TBC1D32: variants seen among roughly 807,000 people sequenced by gnomAD.
The protein encoded by TBC1D32 is protein broad-minded.
In TBC1D32, 151 loss-of-function variants were observed where a neutral mutation model predicts 170.3. The observed-to-expected ratio is 0.89, with a 90% CI of 0.78 to 1.01. TBC1D32 has a LOEUF of 1.01. Among genes scored for constraint, TBC1D32 ranks in the 50% least tolerant of loss-of-function variants. TBC1D32 has a pLI of 0.00. For missense variants in TBC1D32, 1,464 were observed against 1,457.1 expected (o/e 1.00, Z -0.08); for synonymous variants, 498 against 488.0 (o/e 1.02, Z -0.27).
At chr6:121,219,979 T>C (rs1285560394) in intron 21 of TBC1D32, among the ~76,000 whole-genome samples, 2 of 152,340 alleles carry the variant, frequency 1.3e-5, no homozygotes, top group African/African-American at 2.4e-5. Context: ...ACTTAACAGA[T>C]AAATGTTGTT....
chr6:121,120,869 T>G (rs1780183409), intron 26 of TBC1D32, among the ~76,000 whole-genome samples: 1 of 151,986 alleles, frequency 6.6e-6, no homozygotes, highest in African/African-American at 2.4e-5. Context: ...TTCTTTGTTT[T>G]AATTCTCTTA....
intron 15 of TBC1D32, among the ~76,000 whole-genome samples, chr6:121,263,411 C>T (rs1185241815): frequency 1.3e-5 from 2 of 152,072 alleles, no homozygotes; most frequent in African/African-American, 4.8e-5. Flanking sequence ...TATACATGCA[C>T]CCAATATAGG....
At chr6:121,148,672 G>A (rs907347303) in intron 24 of TBC1D32, among the ~76,000 whole-genome samples, 1 of 151,980 alleles carries the variant, frequency 6.6e-6, no homozygotes, top group Non-Finnish European at 1.5e-5. Context: ...GGAGTATAGT[G>A]GCACTATCTC....
intron 24 of TBC1D32, among the ~76,000 whole-genome samples, chr6:121,157,846 C>T (rs1290519636): frequency 2.0e-5 from 3 of 152,086 alleles, no homozygotes; most frequent in Non-Finnish European, 2.9e-5. Context: ...TCTCTTCTGG[C>T]TTTAAGGTTT....
At chr6:121,081,865 C>T (rs1288528528) in intron 31 of TBC1D32, among the ~76,000 whole-genome samples, 1 of 151,808 alleles carries the variant, frequency 6.6e-6, no homozygotes, top group Admixed American at 6.6e-5. Context: ...TAACTTTATT[C>T]TTATTTTGCC....
At chr6:121,211,085 C>T (rs775555713) in intron 21 of TBC1D32, among the ~76,000 whole-genome samples, 36 of 152,090 alleles carry the variant, frequency 2.4e-4, no homozygotes, top group Admixed American at 1.4e-3. Context: ...ACCCAAGTGT[C>T]CACCAGTAAA....
rs140825077 is a variant in TBC1D32, at chr6:121,187,507, C to G, written c.2570+17568G>C. 5.9e-5 allele frequency among the ~76,000 whole-genome samples: 9 copies of G among 152,156 alleles called. No homozygotes were observed. In the East Asian group the frequency reaches 1.7e-3, roughly 29 times the overall value. On this transcript the variant is annotated intron_variant, in intron 22 of 31. Transcript: ENST00000398212. ...TTTTAGCTTTCCTGGCCTAATAAAT[C>G]AGTTACAACTTGTCCATTGGTTTTT...
intron 29 of TBC1D32, among the ~76,000 whole-genome samples, chr6:121,111,057 C>T (rs1016866854): frequency 1.3e-5 from 2 of 152,074 alleles, no homozygotes; most frequent in Admixed American, 6.6e-5. Flanking sequence ...CCGAAAACCC[C>T]GAGCCAGTAA....
intron 26 of TBC1D32, chr6:121,115,475 A>G: frequency 2.9e-6 from 1 of 350,560 alleles, no homozygotes; most frequent in Admixed American, 4.6e-5. Flanking sequence ...TAAATACATA[A>G]CAATAGTAGT....
At chr6:121,148,284 C>T (rs1175730842) in intron 24 of TBC1D32, among the ~76,000 whole-genome samples, 1 of 152,054 alleles carries the variant, frequency 6.6e-6, no homozygotes, top group African/African-American at 2.4e-5. Context: ...TGGTTTCCAG[C>T]TTCATCCCTG....
intron 26 of TBC1D32, among the ~76,000 whole-genome samples, chr6:121,119,107 T>A (rs1779998318): frequency 6.6e-6 from 1 of 152,212 alleles, no homozygotes; most frequent in South Asian, 2.1e-4. Flanking sequence ...GACACTGATG[T>A]CATTTTCTAC....
rs1055891982 is a variant in TBC1D32 at position 121,148,890 on chromosome 6, C to T, written c.2773+11120G>A. On this transcript the variant is annotated intron_variant, in intron 24 of 31. Transcript: ENST00000398212. ...CAGCCTCCCAAAGTGAAAAGCAGTC[C>T]TATATCACCACATCCTCTCCAGCAT... is the stretch of plus-strand genomic sequence containing the variant. 3.3e-5 allele frequency among the ~76,000 whole-genome samples: 5 copies of T among 152,094 alleles called. No individual in the cohort carries two copies. In the East Asian group the frequency reaches 7.7e-4, roughly 23 times the overall value.
chr6:121,182,080 C>T (rs941911268), intron 22 of TBC1D32, among the ~76,000 whole-genome samples: 1 of 151,882 alleles, frequency 6.6e-6, no homozygotes, highest in Non-Finnish European at 1.5e-5. Flanking sequence ...CACTGTCTAG[C>T]AATATATGAC....
At chr6:121,224,258 T>A (rs573245691) in intron 20 of TBC1D32, 2 of 152,336 alleles carry the variant, frequency 1.3e-5, no homozygotes, top group South Asian at 4.1e-4. Flanking sequence ...TCAAAATATG[T>A]CACATCTGTT....
intron 29 of TBC1D32, among the ~76,000 whole-genome samples, chr6:121,108,404 C>A (rs1274388840): frequency 6.6e-6 from 1 of 152,054 alleles, no homozygotes; most frequent in Non-Finnish European, 1.5e-5. Flanking sequence ...AGTCACCACT[C>A]TCTGAAAGGA....
chr6:121,298,695 CA>C (rs1417090104), intron 10 of TBC1D32, among the ~76,000 whole-genome samples: 1 of 151,966 alleles, frequency 6.6e-6, no homozygotes, highest in Admixed American at 6.6e-5. Context: ...TCTGGATTCT[CA>C]AACACACAAC....
chr6:121,289,978 C>T (rs142243273), intron 12 of TBC1D32, among the ~76,000 whole-genome samples: 17,653 of 152,136 alleles, frequency 0.12, 1,475 homozygotes, highest in Admixed American at 0.23. Context: ...CCCTTCCTTA[C>T]ACCTTATACA....
intron 21 of TBC1D32, among the ~76,000 whole-genome samples, chr6:121,217,083 C>CT (rs746970369): frequency 6.6e-6 from 1 of 152,234 alleles, no homozygotes; most frequent in African/African-American, 2.4e-5. Context: ...CCCATTTGGC[C>CT]TGTGCAGAAG....
chr6:121,080,664 A>G lies in TBC1D32; in HGVS notation c.*107T>C. 1.5e-6 allele frequency: 2 copies of G among 1,341,256 alleles called. No homozygotes were observed. Among genetic ancestry groups the G allele is most frequent in the Non-Finnish European group, 2.0e-6 (2 of 989,024 alleles). The allele number at this position is 1,341,256 out of a possible 1,614,324, so 83.1% of individuals were successfully genotyped here. ...CGTTATACTTCTCAGTATTTACAATATGTATATTCACAAAGTAAATGTTGT... is the reference window on the plus strand; with the variant it reads ...CGTTATACTTCTCAGTATTTACAATGTGTATATTCACAAAGTAAATGTTGT... On this transcript the variant is annotated 3_prime_UTR_variant, in exon 32 of 32. Transcript: ENST00000398212.
Sources: allele counts gnomAD v4.1 joint callset (sites outside exome capture counted in the v4.1 genomes callset), GRCh38; gene constraint gnomAD v4.1.1; transcripts MANE v1.5; gene names NCBI Gene and HGNC (gene_info 2026-07-23, HGNC 2026-07-21).